Variants in DGKE observed in about 807,000 individuals in gnomAD.
DGKE encodes DAG kinase epsilon.
In DGKE, 53 loss-of-function variants were observed where a neutral mutation model predicts 70.0. That is an observed-to-expected ratio of 0.76 (90% confidence interval 0.61 to 0.95). The LOEUF (loss-of-function observed/expected upper bound fraction) is 0.95, where lower values mean the gene tolerates loss of function less well. DGKE is among the 40% of genes least tolerant of loss of function. The pLI, the probability that DGKE is intolerant of heterozygous loss-of-function variation, is 0.00. For synonymous variants in DGKE, 291 were observed against 257.0 expected, an observed-to-expected ratio of 1.13 and a Z score of -1.27; for missense variants, 655 against 706.9, an observed-to-expected ratio of 0.93 and a Z score of 0.83.
intron 9 of DGKE, 142 bp downstream of exon 9, chr17:56,858,807 A>G (rs1908109803): frequency 1.7e-6 from 1 of 580,530 alleles, no homozygotes; most frequent in Non-Finnish European, 2.9e-6. Flanking sequence ...GCACTTTGCT[A>G]CATGCTTTAT....
chr17:56,856,127 TA>T (rs1907931715), intron 7 of DGKE, among the ~76,000 whole-genome samples: 1 of 151,582 alleles, frequency 6.6e-6, no homozygotes, highest in African/African-American at 2.4e-5. Flanking sequence ...GGAAGTAAGA[TA>T]AATTAAGGTG....
At chr17:56,858,702 G>C (rs1429346805) in intron 9 of DGKE, 37 bp downstream of exon 9, 1 of 1,436,308 alleles carries the variant, frequency 7.0e-7, no homozygotes, top group Non-Finnish European at 9.5e-7. Flanking sequence ...TAAAGTTTTA[G>C]GTGGTCTCTG....
chr17:56,835,039 C>T lies in DGKE; in HGVS notation c.244C>T (p.Leu82=). The T allele has an allele frequency of 6.8e-6, 11 of 1,613,020 alleles. No homozygotes were observed. Among genetic ancestry groups the T allele is most frequent in the Non-Finnish European group, 9.3e-6 (11 of 1,180,030 alleles). ...CTGCTGCGTGTGCGCGCAGCACATT[C>T]TGCAGGGCGCCTTCTGCGACTGCTG... ...TYCCVCAQHI[L]QGAFCDCCGL... The change falls in exon 2 of 12, where the codon CTG becomes TTG. Residue 82 remains leucine (L), a synonymous_variant. Transcript: ENST00000284061.
At chr17:56,838,909 A>G (rs1906797777) in intron 2 of DGKE, 1 of 152,202 alleles carries the variant, frequency 6.6e-6, no homozygotes, top group Admixed American at 6.5e-5. Context: ...TGATAAGCCT[A>G]TTTGCTGATG....
chr17:56,844,178 G>A lies in DGKE; in HGVS notation c.624G>A (p.Val208=). The change falls in exon 3 of 12, where the codon GTG becomes GTA. Residue 208 remains valine, a splice_region_variant and synonymous_variant. Transcript: ENST00000284061. ...MRKDKKTDYE[V]LASKLGKQWT... ...AAGACAAAAAAACAGATTATGAAGTGGTAATTAGAGTTTATTTCTCTAATA... is the reference window on the plus strand; with the variant it reads ...AAGACAAAAAAACAGATTATGAAGTAGTAATTAGAGTTTATTTCTCTAATA... The A allele has an allele frequency of 1.3e-6, 2 of 1,487,512 alleles. No individual in the cohort carries two copies. The highest frequency in any genetic ancestry group is 9.0e-7 in the Non-Finnish European group (1 of 1,113,170). The allele number at this position is 1,487,512 out of a possible 1,614,324, so 92.1% of individuals were successfully genotyped here.
Position 56,866,999 on chromosome 17 carries a change from C to T in DGKE, c.*4208C>T, listed in dbSNP as rs1017863118. 2 of 152,118 alleles carry T rather than the reference C, an allele frequency of 1.3e-5. No homozygotes were observed. The highest frequency in any genetic ancestry group is 2.9e-5 in the Non-Finnish European group (2 of 68,012). 9.4% of individuals were successfully genotyped at this position (152,118 alleles called of 1,614,324 possible). On this transcript the variant is annotated 3_prime_UTR_variant, in exon 12 of 12. Coordinates refer to ENST00000284061, the MANE Select transcript of DGKE (RefSeq NM_003647.3). The stretch of plus-strand genomic sequence containing the variant: ...CTTGGCTGTTTCACAGTTTTTAAAG[C>T]TATTTTATTGAATAGTAAAGCAGTG...
chr17:56,852,074 T>A (rs7223023), intron 7 of DGKE, among the ~76,000 whole-genome samples: 3,023 of 151,340 alleles, frequency 0.02, 99 homozygotes, highest in African/African-American at 0.07. Context: ...ACCCCATCTC[T>A]AAAAAAAGAG....
rs1234870542 is a variant in DGKE, at chr17:56,862,619, T to G, written c.1532T>G (p.Leu511Trp). The G allele has an allele frequency of 1.3e-6, 2 of 1,547,488 alleles. No individual in the cohort carries two copies. The highest frequency in any genetic ancestry group is 2.3e-5 in the Admixed American group (1 of 42,814). ...IGQAHTVRLI[L>W]KCSMMPMQVD... ...TTTGTTCCCTAATATCAGCTGATTT[T>G]GAAGTGCTCCATGATGCCAATGCAG... Residue 511 changes from leucine to tryptophan, a missense_variant, in exon 12 of 12, where the codon TTG becomes TGG. By Grantham distance (61) the Leu-to-Trp change is moderately conservative (BLOSUM62 -2). Transcript: ENST00000284061.
intron 2 of DGKE, chr17:56,836,211 T>A (rs200429725): frequency 1.1e-4 from 4 of 37,892 alleles, no homozygotes; most frequent in Admixed American, 4.2e-4. Context: ...TTAATTTTTT[T>A]AATTTTTTTT....
Position 56,856,339 on chromosome 17 carries a change from T to A in DGKE, c.1099-173T>A, listed in dbSNP as rs543704524. Among the ~76,000 whole-genome samples the A allele has an allele frequency of 1.3e-3, 191 of 152,310 alleles. 2 individuals carry two copies. The highest frequency in any genetic ancestry group is 4.4e-3 in the African/African-American group (182 of 41,558). ...CACATCTGTAGTTATCAGCCTTAAA[T>A]GGAAGCTTTATTTCTGGTAACTTCA... On this transcript the variant is annotated intron_variant, in intron 7 of 11. Coordinates refer to ENST00000284061, the MANE Select transcript of DGKE (RefSeq NM_003647.3).
rs1031052201 is a variant in DGKE at position 56,865,186 on chromosome 17, A to G, written c.*2395A>G. ...AAGACTTCATGTTTGCAAGTTACAT[A>G]TTAGGGTAGTGATTGTTTATATTAC... On this transcript the variant is annotated 3_prime_UTR_variant, in exon 12 of 12. Transcript: ENST00000284061. 6 of 152,182 alleles carry G rather than the reference A, an allele frequency of 3.9e-5. No individual in the cohort carries two copies. Among genetic ancestry groups the G allele is most frequent in the African/African-American group, 1.4e-4 (6 of 41,452 alleles). 9.4% of individuals were successfully genotyped at this position (152,182 alleles called of 1,614,324 possible).
intron 2 of DGKE, among the ~76,000 whole-genome samples, chr17:56,839,865 A>G (rs1906858944): frequency 1.3e-5 from 2 of 151,958 alleles, no homozygotes; most frequent in African/African-American, 4.8e-5. Flanking sequence ...AAGGCTCATA[A>G]TAGCTATTAT....
intron 2 of DGKE, among the ~76,000 whole-genome samples, chr17:56,842,132 C>G (rs377645456): frequency 6.6e-6 from 1 of 152,082 alleles, no homozygotes; most frequent in African/African-American, 2.4e-5. Flanking sequence ...CATCATACTT[C>G]TAAGCTGAAA....
chr17:56,844,024 T>C lies in DGKE; in HGVS notation c.470T>C (p.Ile157Thr). 6.5e-7 allele frequency: 1 copy of C among 1,538,710 alleles called. No individual in the cohort carries two copies. The highest frequency in any genetic ancestry group is 8.7e-7 in the Non-Finnish European group (1 of 1,150,636). Residue 157 changes from isoleucine to threonine, a missense_variant, in exon 3 of 12, where the codon ATT (isoleucine) becomes ACT (threonine). Transcript: ENST00000284061. ...CQPKLCDYRC[I>T]WCQKTVHDEC... ...TTGTTTCTTCCTTCCCTCAGGTGCA[T>C]TTGGTGCCAGAAAACAGTACATGAT...
chr17:56,844,305 C>T, intron 3 of DGKE, 127 bp downstream of exon 3: 1 of 601,898 alleles, frequency 1.7e-6, no homozygotes, highest in Non-Finnish European at 2.5e-6. Flanking sequence ...AATAACAGAT[C>T]AAGACCAAGG....
intron 2 of DGKE, among the ~76,000 whole-genome samples, chr17:56,840,779 A>G (rs978100382): frequency 6.6e-5 from 10 of 152,146 alleles, no homozygotes; most frequent in African/African-American, 9.7e-5. Context: ...AACTATGACA[A>G]CTGAACTGGG....
Position 56,856,507 on chromosome 17 carries a change from C to T in DGKE, c.1099-5C>T. ...TCTGTTGCTTATTCTTACCCTTTCT[C>T]ACAGGAATTCACAATGAACAACTAT... On this transcript the variant is annotated splice_polypyrimidine_tract_variant and splice_region_variant and intron_variant, in intron 7 of 11. Coordinates refer to ENST00000284061, the MANE Select transcript of DGKE (RefSeq NM_003647.3). 6.2e-7 allele frequency: 1 copy of T among 1,611,556 alleles called. No individual in the cohort carries two copies. The highest frequency in any genetic ancestry group is 8.5e-7 in the Non-Finnish European group (1 of 1,179,002).
intron 8 of DGKE, 70 bp from the exon 9 acceptor site, chr17:56,858,524 A>G (rs901589310): frequency 7.1e-6 from 9 of 1,262,840 alleles, no homozygotes; most frequent in Non-Finnish European, 1.0e-5. Context: ...GCTTTGATAC[A>G]GCGTATTTTT....
intron 2 of DGKE, among the ~76,000 whole-genome samples, chr17:56,836,845 C>A (rs370470406): frequency 1.3e-5 from 2 of 152,204 alleles, no homozygotes; most frequent in African/African-American, 2.4e-5. Flanking sequence ...TTCCTTAAAA[C>A]GTCAGGCATT....
Sources: gnomAD v4.1 joint callset for allele counts (sites outside exome capture counted in the v4.1 genomes callset) on GRCh38, gnomAD v4.1.1 for gene constraint, MANE v1.5 for transcripts, NCBI Gene and HGNC (gene_info 2026-07-23, HGNC 2026-07-21) for gene names.